The following PHACTR2 variants were observed in gnomAD, a reference collection of about 807,000 sequenced individuals.
The protein encoded by PHACTR2 is phosphatase and actin regulator 2.
A neutral mutation model predicts 76.0 loss-of-function variants in PHACTR2; 30 were observed. The observed-to-expected ratio is 0.39, with a 90% CI of 0.30 to 0.54. PHACTR2 has a LOEUF of 0.54. Ranked by LOEUF, PHACTR2 falls within the 20% of genes least tolerant of loss-of-function variation. The pLI, the probability that PHACTR2 is intolerant of heterozygous loss-of-function variation, is 0.61. For synonymous variants in PHACTR2, 292 were observed against 292.5 expected (o/e 1.00, Z 0.02); for missense variants, 696 against 781.1 (o/e 0.89, Z 1.30).
rs181448375 is a variant in PHACTR2 at position 143,640,444 on chromosome 6, G to T, written c.13+32122G>T. Among the ~76,000 whole-genome samples the T allele has an allele frequency of 3.2e-4, 48 of 152,284 alleles. 1 individual carries two copies. The East Asian group carries it at 7.7e-3, about 25-fold the overall frequency. The stretch of plus-strand genomic sequence containing the variant: ...ACAAAAGACTTACAGAGAGACATAA[G>T]GAGAGCAACTTGCTATCTAGCTAGA... On this transcript the variant is annotated intron_variant, in intron 1 of 11. Transcript: ENST00000305766.
chr6:143,576,547 G>A lies in PHACTR2; in HGVS notation c.217+39340G>A, dbSNP rs565391872. 8.5e-5 allele frequency among the ~76,000 whole-genome samples: 13 copies of A among 152,286 alleles called. No individual in the cohort carries two copies. The South Asian group carries it at 2.7e-3, about 32-fold the overall frequency. ...CAGTTTTAAAACAGAAGTTGAAAGAGGGAATATTTGTGGTTTTTAAAGTTA... is the reference window on the plus strand; with the variant it reads ...CAGTTTTAAAACAGAAGTTGAAAGAAGGAATATTTGTGGTTTTTAAAGTTA... On this transcript the variant is annotated intron_variant, in intron 1 of 11. Transcript: ENST00000367584.
rs1777146208 is a variant in PHACTR2 at position 143,671,088 on chromosome 6, C to T, written c.14-40928C>T. Reference sequence around the variant, plus strand: ...GGGATTACAGGAATGCGCCACCATGCCCAGCTAATTTTTGTATTTTTAGTA... The same window carrying T: ...GGGATTACAGGAATGCGCCACCATGTCCAGCTAATTTTTGTATTTTTAGTA... On this transcript the variant is annotated intron_variant, in intron 1 of 11. Transcript: ENST00000305766. This position sits in a 1 kb window ranked among gnomAD's most constrained non-coding sequence, Gnocchi z 4.6. 6.6e-6 allele frequency among the ~76,000 whole-genome samples: 1 copy of T among 152,022 alleles called. No homozygotes were observed.
intron 1 of PHACTR2, among the ~76,000 whole-genome samples, chr6:143,703,196 A>T (rs1198149675): frequency 6.6e-6 from 1 of 151,250 alleles, no homozygotes; most frequent in African/African-American, 2.4e-5. Context: ...AACACAAATC[A>T]ATGCTGCTGG....
rs975190663 is a variant in PHACTR2 at position 143,776,083 on chromosome 6, G to C, written c.1590-1245G>C. ...TGCAGTGAGCCGAGATTGTACCACT[G>C]CACACCAGCCTGGGCAACAGAGTGA... On this transcript the variant is annotated intron_variant, in intron 8 of 12. Transcript: ENST00000440869. The surrounding 1 kb of genome is among the most constrained non-coding windows in gnomAD (Gnocchi z 5.3). 6.6e-6 allele frequency among the ~76,000 whole-genome samples: 1 copy of C among 152,068 alleles called. No homozygotes were observed. Among genetic ancestry groups the C allele is most frequent in the Admixed American group, 6.5e-5 (1 of 15,268 alleles).
At chr6:143,724,608 AC>A (rs1778517186) in intron 2 of PHACTR2, among the ~76,000 whole-genome samples, 1 of 152,146 alleles carries the variant, frequency 6.6e-6, no homozygotes, top group Non-Finnish European at 1.5e-5. Context: ...CCGAGTTTCT[AC>A]ACAGTCCCAG....
chr6:143,609,145 C>A (rs1240925534), intron 1 of PHACTR2, among the ~76,000 whole-genome samples: 2 of 152,112 alleles, frequency 1.3e-5, no homozygotes, highest in Admixed American at 6.5e-5. Context: ...GCTTCCCATG[C>A]CTTGAGACAC....
At chr6:143,634,870 G>A (rs1303193590) in intron 1 of PHACTR2, among the ~76,000 whole-genome samples, 1 of 152,012 alleles carries the variant, frequency 6.6e-6, no homozygotes. Context: ...ACAAATTAGT[G>A]GGGCGTCACA....
intron 6 of PHACTR2, among the ~76,000 whole-genome samples, chr6:143,770,789 G>T (rs562466956): frequency 6.6e-6 from 1 of 151,950 alleles, no homozygotes; most frequent in South Asian, 2.1e-4. Context: ...AAATTACTAT[G>T]TATTTTTTAG....
In PHACTR2 at chr6:143,698,832, CCACAGTGAA is replaced by C. The variant is rs1298444777; in HGVS notation, c.47-13179_47-13171del. The stretch of plus-strand genomic sequence containing the variant: ...TTAATTGTGCATGAATGTTTCCGTT[CCACAGTGAA>C]CACACTTTTCTACAGCCTCATTATT... On this transcript the variant is annotated intron_variant, in intron 1 of 12. Transcript: ENST00000440869. This position sits in a 1 kb window ranked among gnomAD's most constrained non-coding sequence, Gnocchi z 4.3. Among the ~76,000 whole-genome samples the C allele has an allele frequency of 6.6e-6, 1 of 152,192 alleles. No homozygotes were observed. Among genetic ancestry groups the C allele is most frequent in the East Asian group, 1.9e-4 (1 of 5,196 alleles).
chr6:143,724,011 G>A (rs1270349500), intron 2 of PHACTR2, among the ~76,000 whole-genome samples: 2 of 149,840 alleles, frequency 1.3e-5, no homozygotes, highest in Non-Finnish European at 3.0e-5. Context: ...CTCCCAGACT[G>A]GAGTGCAGTG....
rs1776087758 is a variant in PHACTR2 at position 143,618,187 on chromosome 6, T to C, written c.13+9865T>C. On this transcript the variant is annotated intron_variant, in intron 1 of 11. Transcript: ENST00000305766. The surrounding 1 kb of genome is among the most constrained non-coding windows in gnomAD (Gnocchi z 5.2). ...GCTATATTTGCTGTATCCATGTGAC[T>C]TACCACAGGCGCCCTGCTTTTTAGT... Among the ~76,000 whole-genome samples, 1 of 151,948 alleles carries C rather than the reference T, an allele frequency of 6.6e-6. No homozygotes were observed. The highest frequency in any genetic ancestry group is 1.5e-5 in the Non-Finnish European group (1 of 67,994).
Position 143,697,439 on chromosome 6 carries a change from G to A in PHACTR2, c.47-14577G>A, listed in dbSNP as rs182332050. Among the ~76,000 whole-genome samples, 45 of 152,294 alleles carry A rather than the reference G, an allele frequency of 3.0e-4. No individual in the cohort carries two copies. Among genetic ancestry groups the A allele is most frequent in the African/African-American group, 9.1e-4 (38 of 41,562 alleles). ...CACCACTCATCACCGGGTGAAAATA[G>A]AAACTTCTTAAAAGACAATTTCACA... is the stretch of plus-strand genomic sequence containing the variant. On this transcript the variant is annotated intron_variant, in intron 1 of 12. Coordinates refer to ENST00000440869, the MANE Select transcript of PHACTR2 (RefSeq NM_001100164.2). The surrounding 1 kb of genome is among the most constrained non-coding windows in gnomAD (Gnocchi z 4.4).
rs528509705 is a variant in PHACTR2 at position 143,786,056 on chromosome 6, C to T, written c.1708-2717C>T. Among the ~76,000 whole-genome samples, 13 of 152,292 alleles carry T rather than the reference C, an allele frequency of 8.5e-5. No individual in the cohort carries two copies. The East Asian group carries it at 2.5e-3, about 29-fold the overall frequency. On this transcript the variant is annotated intron_variant, in intron 10 of 12. Transcript: ENST00000440869. ...ATTTCTGCAGCCAGCTTGAATTTCT[C>T]CTCAAAAAATGGGTTCTTTTCTGCT...
chr6:143,609,799 A>C (rs900824291), intron 1 of PHACTR2, among the ~76,000 whole-genome samples: 3 of 152,186 alleles, frequency 2.0e-5, no homozygotes, highest in African/African-American at 7.2e-5. Flanking sequence ...AAGGCCATTT[A>C]AAAAAAGGAA....
At position 143,776,692 on chromosome 6, in the gene PHACTR2, A is replaced by G. The variant is rs2128476409; in HGVS notation, c.1590-636A>G. ...CTGCTACAGCTTAGCTTATAGTCTAATTAATATATAGCTCATTAGGGTCTA... is the reference window on the plus strand; with the variant it reads ...CTGCTACAGCTTAGCTTATAGTCTAGTTAATATATAGCTCATTAGGGTCTA... On this transcript the variant is annotated intron_variant, in intron 8 of 12. Coordinates refer to ENST00000440869, the MANE Select transcript of PHACTR2 (RefSeq NM_001100164.2). The surrounding 1 kb of genome is among the most constrained non-coding windows in gnomAD (Gnocchi z 5.3). Among the ~76,000 whole-genome samples, 1 of 152,322 alleles carries G rather than the reference A, an allele frequency of 6.6e-6. No homozygotes were observed. Among genetic ancestry groups the G allele is most frequent in the Non-Finnish European group, 1.5e-5 (1 of 68,024 alleles).
rs138938000 is a variant in PHACTR2 at position 143,652,016 on chromosome 6, T to C, written c.13+43694T>C. Among the ~76,000 whole-genome samples, 97 of 151,052 alleles carry C rather than the reference T, an allele frequency of 6.4e-4. 1 individual carries two copies. The highest frequency in any genetic ancestry group is 5.2e-3 in the Admixed American group (79 of 15,180). ...GAAACCAAATCAACTGATGCCTTCA[T>C]CTTGGATTTCTAGCCTCCAGCCTGA... is the stretch of plus-strand genomic sequence containing the variant. On this transcript the variant is annotated intron_variant, in intron 1 of 11. Transcript: ENST00000305766. This position sits in a 1 kb window ranked among gnomAD's most constrained non-coding sequence, Gnocchi z 4.5.
At chr6:143,613,422 A>G (rs1462050778) in intron 1 of PHACTR2, among the ~76,000 whole-genome samples, 12 of 152,264 alleles carry the variant, frequency 7.9e-5, no homozygotes, top group African/African-American at 2.9e-4. Flanking sequence ...ATATAAACAT[A>G]AAAGTACTGT....
chr6:143,717,147 G>C (rs1178711917), intron 2 of PHACTR2, among the ~76,000 whole-genome samples: 2 of 152,148 alleles, frequency 1.3e-5, no homozygotes, highest in Non-Finnish European at 2.9e-5. Flanking sequence ...CACTGGCTCA[G>C]CATGCCCCAA....
intron 2 of PHACTR2, among the ~76,000 whole-genome samples, chr6:143,728,551 A>G (rs1405328931): frequency 6.6e-6 from 1 of 152,158 alleles, no homozygotes; most frequent in African/African-American, 2.4e-5. Context: ...AAAAAGAAGA[A>G]AGCTGGAAGC....
Sources: gnomAD v4.1 joint callset for allele counts (sites outside exome capture counted in the v4.1 genomes callset) on GRCh38, gnomAD v4.1.1 for gene constraint, Gnocchi (gnomAD v3.1) non-coding constraint, MANE v1.5 for transcripts, NCBI Gene and HGNC (gene_info 2026-07-23, HGNC 2026-07-21) for gene names.